MEP1B: variants seen among roughly 807,000 people sequenced by gnomAD.
The protein encoded by MEP1B is N-benzoyl-L-tyrosyl-P-amino-benzoic acid hydrolase subunit beta.
Under a neutral mutation model 84.6 loss-of-function variants are expected in MEP1B, and 80 were observed. The ratio of observed to expected loss-of-function variants is 0.95; its 90% CI spans 0.79 to 1.14. MEP1B has a LOEUF of 1.14. Among genes scored for constraint, MEP1B ranks in the 50% most tolerant of loss-of-function variants. The pLI, the probability that MEP1B is intolerant of heterozygous loss-of-function variation, is 0.00. For synonymous variants in MEP1B, 273 were observed against 288.1 expected, an observed-to-expected ratio of 0.95 and a Z score of 0.53; for missense variants, 766 against 855.1, an observed-to-expected ratio of 0.90 and a Z score of 1.30.
rs2041043676 is a variant in MEP1B, at chr18:32,213,034, T to C, written c.1136-82T>C. ...TAAATCGGTTTTGGATGACCCTTTG[T>C]CTAAGAAGGCTAGAAATCTAATGTT... On this transcript the variant is annotated intron_variant, in intron 10 of 14. Transcript: ENST00000269202. 15 of 1,341,826 alleles carry C rather than the reference T, an allele frequency of 1.1e-5. 1 individual carries two copies. In the East Asian group the frequency reaches 3.2e-4, roughly 29 times the overall value. 83.1% of individuals were successfully genotyped at this position (1,341,826 alleles called of 1,614,324 possible).
In MEP1B at chr18:32,190,093, G is replaced by T. The variant is rs374981310; in HGVS notation, c.23G>T (p.Trp8Leu). Residue 8 changes from tryptophan to leucine, a missense_variant, in exon 1 of 15, where the codon TGG (tryptophan) becomes TTG (leucine). By Grantham distance (61) the Trp-to-Leu change is moderately conservative. Transcript: ENST00000269202. Reference sequence around the variant, plus strand: ...AACATGGATTTATGGAATCTGTCTTGGTTTCTGTTCTTGGATGCTCTTCTC... The same window carrying T: ...AACATGGATTTATGGAATCTGTCTTTGTTTCTGTTCTTGGATGCTCTTCTC... MDLWNLS[W>L]FLFLDALLVI... 3 of 1,613,300 alleles carry T rather than the reference G, an allele frequency of 1.9e-6. No homozygotes were observed. Among genetic ancestry groups the T allele is most frequent in the African/African-American group, 2.7e-5 (2 of 74,874 alleles).
intron 11 of MEP1B, among the ~76,000 whole-genome samples, chr18:32,214,276 G>GAAAGCA (rs1463210511): frequency 6.6e-6 from 1 of 152,132 alleles, no homozygotes; most frequent in East Asian, 1.9e-4. Context: ...GCAACCCACT[G>GAAAGCA]AAAGCAAAGA....
rs188215064 is a variant in MEP1B, at chr18:32,212,908, G to A, written c.1136-208G>A. 2.3e-3 allele frequency among the ~76,000 whole-genome samples: 344 copies of A among 152,262 alleles called. 1 individual carries two copies. The highest frequency in any genetic ancestry group is 0.014 in the Middle Eastern group (4 of 294). ...CTATTTGAGAAACAGCTAGACAAAC[G>A]TTCAGCTATTCCAGAGAACAGTGTG... On this transcript the variant is annotated intron_variant, in intron 10 of 14. Coordinates refer to ENST00000269202, the MANE Select transcript of MEP1B (RefSeq NM_005925.3).
chr18:32,196,332 C>A lies in MEP1B; in HGVS notation c.250+847C>A, dbSNP rs1016502184. On this transcript the variant is annotated intron_variant, in intron 5 of 14. Transcript: ENST00000269202. The surrounding 1 kb of genome is among the most constrained non-coding windows in gnomAD (Gnocchi z 4.4). ...TGGAGCCGTTGCGGTAGATCTCATG[C>A]ATGGCGCGCCGCAGGGCCACGGCCA... The A allele has an allele frequency of 1.4e-5, 10 of 702,736 alleles. No homozygotes were observed. The highest frequency in any genetic ancestry group is 2.1e-5 in the Non-Finnish European group (8 of 376,660). The allele number at this position is 702,736 out of a possible 1,614,324, so 43.5% of individuals were successfully genotyped here.
At chr18:32,210,455 T>G in intron 9 of MEP1B, 46 bp from the exon 10 acceptor site, 1 of 1,512,602 alleles carries the variant, frequency 6.6e-7, no homozygotes, top group Non-Finnish European at 9.1e-7. Context: ...CACACATTCC[T>G]ATACCCAGTA....
chr18:32,196,028 C>A lies in MEP1B; in HGVS notation c.250+543C>A. The A allele has an allele frequency of 5.2e-6, 2 of 385,320 alleles. No homozygotes were observed. The highest frequency in any genetic ancestry group is 2.3e-5 in the South Asian group (1 of 44,322). The allele number at this position is 385,320 out of a possible 1,614,324, so 23.9% of individuals were successfully genotyped here. ...GTCCATCTGCCTGTCCCTCTCTATC[C>A]CTGCAAGTTCGGGGAAGAAGGGTCA... On this transcript the variant is annotated intron_variant, in intron 5 of 14. Transcript: ENST00000269202. The surrounding 1 kb of genome is among the most constrained non-coding windows in gnomAD (Gnocchi z 4.4).
chr18:32,218,926 TAC>T (rs1356876392), intron 14 of MEP1B, among the ~76,000 whole-genome samples: 1 of 152,108 alleles, frequency 6.6e-6, no homozygotes, highest in East Asian at 1.9e-4. Flanking sequence ...AGCAGTAGAG[TAC>T]AGAGTTTTAC....
At chr18:32,192,563 A>T in intron 2 of MEP1B, 83 bp from the exon 3 acceptor site, 1 of 1,281,566 alleles carries the variant, frequency 7.8e-7, no homozygotes, top group Non-Finnish European at 1.1e-6. Context: ...AAACTTGCTT[A>T]GTTCTGATTA....
At chr18:32,190,205 GT>G (rs967569100) in intron 1 of MEP1B, 72 bp downstream of exon 1, 1,492 of 840,702 alleles carry the variant, frequency 1.8e-3, no homozygotes, top group African/African-American at 1.9e-3. Context: ...AAGAACAAGT[GT>G]TTTTTTTTTG....
intron 8 of MEP1B, 42 bp from the exon 9 acceptor site, chr18:32,208,077 C>T (rs1209420177): frequency 6.3e-7 from 1 of 1,596,982 alleles, no homozygotes; most frequent in South Asian, 1.1e-5. Flanking sequence ...CTTAGATTAT[C>T]ATGTTGTATG....
intron 5 of MEP1B, among the ~76,000 whole-genome samples, chr18:32,201,249 T>C (rs1337112113): frequency 6.6e-6 from 1 of 151,820 alleles, no homozygotes; most frequent in Non-Finnish European, 1.5e-5. Flanking sequence ...ATGACCCAAA[T>C]ATGATACTTA....
In MEP1B at chr18:32,207,369, C is replaced by T. The variant is rs191083715; in HGVS notation, c.665C>T (p.Pro222Leu). The T allele has an allele frequency of 1.2e-4, 187 of 1,612,964 alleles. No individual in the cohort carries two copies. The highest frequency in any genetic ancestry group is 1.6e-4 in the Middle Eastern group (1 of 6,082). Residue 222 changes from proline to leucine, a missense_variant, in exon 8 of 15, where the codon CCG becomes CTG. By Grantham distance (98) the Pro-to-Leu change is moderately conservative. Transcript: ENST00000269202. ...SKTAFQNGTE[P>L]TIVTRISDFE... ...ACTGCATTCCAAAATGGAACAGAGC[C>T]GACAATTGTCACAAGAATCTCAGAC...
Position 32,196,117 on chromosome 18 carries a change from T to C in MEP1B, c.250+632T>C. On this transcript the variant is annotated intron_variant, in intron 5 of 14. Transcript: ENST00000269202. This position sits in a 1 kb window ranked among gnomAD's most constrained non-coding sequence, Gnocchi z 4.4. The stretch of plus-strand genomic sequence containing the variant: ...CCCCGCTGGCTCGGGCTCGGTGGCC[T>C]TGGGCTCCTTGGCCTCATCCCTGTT... 2 of 513,776 alleles carry C rather than the reference T, an allele frequency of 3.9e-6. No individual in the cohort carries two copies. Among genetic ancestry groups the C allele is most frequent in the East Asian group, 4.0e-5 (1 of 24,906 alleles). 31.8% of individuals were successfully genotyped at this position (513,776 alleles called of 1,614,324 possible). A position where few individuals can be genotyped will look rare whatever the true frequency, so the allele number is the denominator to read the frequency against.
Position 32,196,346 on chromosome 18 carries a change from G to A in MEP1B, c.250+861G>A. The stretch of plus-strand genomic sequence containing the variant: ...TAGATCTCATGCATGGCGCGCCGCA[G>A]GGCCACGGCCAGCTGGGTCAGGCAC... On this transcript the variant is annotated intron_variant, in intron 5 of 14. Coordinates refer to ENST00000269202, the MANE Select transcript of MEP1B (RefSeq NM_005925.3). This position sits in a 1 kb window ranked among gnomAD's most constrained non-coding sequence, Gnocchi z 4.4. 1.4e-6 allele frequency: 1 copy of A among 702,392 alleles called. No individual in the cohort carries two copies. Among genetic ancestry groups the A allele is most frequent in the Non-Finnish European group, 2.7e-6 (1 of 376,946 alleles). 43.5% of individuals were successfully genotyped at this position (702,392 alleles called of 1,614,324 possible).
At chr18:32,212,721 GA>G (rs1266025704) in intron 10 of MEP1B, among the ~76,000 whole-genome samples, 1 of 152,188 alleles carries the variant, frequency 6.6e-6, no homozygotes, top group Admixed American at 6.5e-5. Flanking sequence ...ATATATTAAA[GA>G]AGGCTTTGCC....
At chr18:32,197,419 G>A (rs201219909) in intron 5 of MEP1B, among the ~76,000 whole-genome samples, 1 of 85,294 alleles carries the variant, frequency 1.2e-5, no homozygotes, top group Admixed American at 1.2e-4. Flanking sequence ...TTTTTTTTTT[G>A]TTTTGAGACA....
At chr18:32,214,958 T>C in intron 11 of MEP1B, 124 bp from the exon 12 acceptor site, 1 of 695,344 alleles carries the variant, frequency 1.4e-6, no homozygotes, top group Non-Finnish European at 2.5e-6. Flanking sequence ...ACATCACAGG[T>C]CAATAGCATC....
rs183359792 is a variant in MEP1B, at chr18:32,202,098, G to A, written c.251-795G>A. On this transcript the variant is annotated intron_variant, in intron 5 of 14. Coordinates refer to ENST00000269202, the MANE Select transcript of MEP1B (RefSeq NM_005925.3). ...TTTTATGTCAAAAGTGAGTGGTGAGGATAGGGAAGAACTTAGGTGTGTCTG... is the reference window on the plus strand; with the variant it reads ...TTTTATGTCAAAAGTGAGTGGTGAGAATAGGGAAGAACTTAGGTGTGTCTG... Among the ~76,000 whole-genome samples the A allele has an allele frequency of 2.0e-5, 3 of 152,294 alleles. No individual in the cohort carries two copies. In the East Asian group the frequency reaches 5.8e-4, roughly 29 times the overall value.
intron 12 of MEP1B, among the ~76,000 whole-genome samples, chr18:32,215,965 T>C (rs557615792): frequency 1.8e-5 from 2 of 110,098 alleles, no homozygotes; most frequent in East Asian, 2.9e-4. Flanking sequence ...TGCATACATA[T>C]ATGCATATAT....
Sources: allele counts gnomAD v4.1 joint callset (sites outside exome capture counted in the v4.1 genomes callset), GRCh38; gene constraint gnomAD v4.1.1; non-coding constraint Gnocchi (gnomAD v3.1); transcripts MANE v1.5; gene names NCBI Gene and HGNC (gene_info 2026-07-23, HGNC 2026-07-21).